CCSER1: variants seen among roughly 807,000 people sequenced by gnomAD.
CCSER1 encodes the protein coiled-coil serine rich protein 1, also known as serine-rich coiled-coil domain-containing protein 1.
In CCSER1, 41 loss-of-function variants were observed where a neutral mutation model predicts 82.0. The observed-to-expected ratio is 0.50, with a 90% CI of 0.39 to 0.65. The LOEUF (loss-of-function observed/expected upper bound fraction) is 0.65. CCSER1 is among the 30% of genes least tolerant of loss of function. The pLI, the probability that CCSER1 is intolerant of heterozygous loss-of-function variation, is 0.00. For missense variants in CCSER1, 1,119 were observed against 1,064.2 expected, an observed-to-expected ratio of 1.05 and a Z score of -0.72; for synonymous variants, 414 against 383.9, an observed-to-expected ratio of 1.08 and a Z score of -0.92.
chr4:90,237,557 T>C (rs1746027463), intron 1 of CCSER1, among the ~76,000 whole-genome samples: 1 of 152,180 alleles, frequency 6.6e-6, no homozygotes, highest in Non-Finnish European at 1.5e-5. Flanking sequence ...CACAGAAACT[T>C]CCATTCATAC....
chr4:90,248,938 G>A (rs917099237), intron 1 of CCSER1, among the ~76,000 whole-genome samples: 1 of 152,018 alleles, frequency 6.6e-6, no homozygotes, highest in South Asian at 2.1e-4. Flanking sequence ...AATCTCAGAC[G>A]ATCCGCCTTG....
At chr4:91,223,836 G>A (rs1737941455) in intron 10 of CCSER1, among the ~76,000 whole-genome samples, 1 of 152,118 alleles carries the variant, frequency 6.6e-6, no homozygotes, top group Non-Finnish European at 1.5e-5. Context: ...GTCTGCATCT[G>A]TTAAATGAGC....
At chr4:90,793,081 T>G (rs1406331669) in intron 7 of CCSER1, among the ~76,000 whole-genome samples, 1 of 152,190 alleles carries the variant, frequency 6.6e-6, no homozygotes, top group Non-Finnish European at 1.5e-5. Flanking sequence ...TTCTAGAAGG[T>G]AATGGAGATG....
At chr4:91,383,857 A>G (rs1241643550) in intron 10 of CCSER1, among the ~76,000 whole-genome samples, 2 of 152,218 alleles carry the variant, frequency 1.3e-5, no homozygotes, top group Non-Finnish European at 2.9e-5. Context: ...GGTAGCAAGT[A>G]GAGTGTTGCA....
intron 1 of CCSER1, among the ~76,000 whole-genome samples, chr4:90,301,452 G>A (rs528068373): frequency 1.3e-5 from 2 of 152,206 alleles, no homozygotes; most frequent in Non-Finnish European, 2.9e-5. Context: ...GGTTGCCATT[G>A]TAAATTTCTA....
intron 10 of CCSER1, among the ~76,000 whole-genome samples, chr4:91,591,057 A>G (rs898627547): frequency 1.3e-5 from 2 of 152,084 alleles, no homozygotes; most frequent in Admixed American, 6.6e-5. Context: ...GACATTTGGC[A>G]ATGTATGGAG....
At chr4:90,746,348 C>T (rs565326002) in intron 7 of CCSER1, among the ~76,000 whole-genome samples, 1 of 152,118 alleles carries the variant, frequency 6.6e-6, no homozygotes, top group Admixed American at 6.5e-5. Context: ...CTCTCATTTC[C>T]TCTCAAATAT....
chr4:91,316,362 T>C (rs1745839518), intron 10 of CCSER1, among the ~76,000 whole-genome samples: 1 of 151,982 alleles, frequency 6.6e-6, no homozygotes, highest in African/African-American at 2.4e-5. Flanking sequence ...CTATCAGTCT[T>C]TCTTAGAGGA....
chr4:90,320,363 AT>A (rs1483779099), intron 3 of CCSER1, among the ~76,000 whole-genome samples: 2 of 152,314 alleles, frequency 1.3e-5, no homozygotes, highest in East Asian at 3.9e-4. Context: ...ATATACAGGT[AT>A]TTCTTATGAT....
intron 10 of CCSER1, among the ~76,000 whole-genome samples, chr4:91,313,506 A>G (rs1745633602): frequency 6.6e-6 from 1 of 151,794 alleles, no homozygotes; most frequent in Non-Finnish European, 1.5e-5. Context: ...CATGGCATTG[A>G]CTAAGTCACA....
chr4:91,552,638 CAA>C lies in CCSER1; in HGVS notation c.2218-45931_2218-45930del, dbSNP rs375530935. Among the ~76,000 whole-genome samples the C allele has an allele frequency of 4.4e-4, 66 of 151,644 alleles. 3 individuals are homozygous for C. Among genetic ancestry groups the C allele is most frequent in the African/African-American group, 1.5e-3 (63 of 41,238 alleles). The stretch of plus-strand genomic sequence containing the variant: ...CTGGAAGATGTATAAGTGGAATGCT[CAA>C]AAGAGTGGAAGCAACAAGGCTGACT... On this transcript the variant is annotated intron_variant, in intron 10 of 10. Transcript: ENST00000509176.
intron 1 of CCSER1, among the ~76,000 whole-genome samples, chr4:90,300,637 A>G (rs1474784978): frequency 3.9e-5 from 6 of 152,162 alleles, no homozygotes; most frequent in African/African-American, 1.4e-4. Flanking sequence ...GGGTGTCCAA[A>G]TTCTAGGAAA....
chr4:90,351,864 G>A (rs1322314935), intron 3 of CCSER1, among the ~76,000 whole-genome samples: 1 of 152,174 alleles, frequency 6.6e-6, no homozygotes. Context: ...TGTTGACAAT[G>A]AGTGTGTTGA....
intron 10 of CCSER1, among the ~76,000 whole-genome samples, chr4:91,296,449 T>TTATATATATATATATATATATATATA (rs72475346): frequency 2.1e-5 from 2 of 94,110 alleles, no homozygotes; most frequent in African/African-American, 1.1e-4. Flanking sequence ...GTGTCTAACA[T>TTATATATATATATATATATATATATA]TATATATATA....
intron 10 of CCSER1, among the ~76,000 whole-genome samples, chr4:91,166,809 T>C (rs1732132759): frequency 6.6e-6 from 1 of 152,212 alleles, no homozygotes; most frequent in Admixed American, 6.5e-5. Context: ...TTCATTTATT[T>C]GCTTTAATTT....
In CCSER1 at chr4:91,593,467, CTTTTTTTTTT is replaced by C. The variant is rs753973015; in HGVS notation, c.2218-5088_2218-5079del. The stretch of plus-strand genomic sequence containing the variant: ...TAACTGTCTTGTTTTCAACCCCGTG[CTTTTTTTTTT>C]TTTTTTTTTTTTTTTTAGTACAGAC... On this transcript the variant is annotated intron_variant, in intron 10 of 10. Transcript: ENST00000509176. Among the ~76,000 whole-genome samples the C allele has an allele frequency of 1.5e-4, 8 of 55,044 alleles. No homozygotes were observed. The Admixed American group carries it at 1.6e-3, about 11-fold the overall frequency. 36.1% of individuals were successfully genotyped at this position (55,044 alleles called of 152,430 possible).
intron 10 of CCSER1, among the ~76,000 whole-genome samples, chr4:91,570,767 G>A (rs1763137927): frequency 1.3e-5 from 2 of 152,162 alleles, no homozygotes; most frequent in African/African-American, 2.4e-5. Context: ...TCTCTGACAT[G>A]CCCTGGAGAC....
intron 10 of CCSER1, among the ~76,000 whole-genome samples, chr4:91,281,745 C>T (rs1742926849): frequency 6.6e-6 from 1 of 152,170 alleles, no homozygotes; most frequent in African/African-American, 2.4e-5. Flanking sequence ...AGACTAGCTT[C>T]TCCAGTCAGT....
At chr4:90,858,265 T>C (rs533090646) in intron 8 of CCSER1, among the ~76,000 whole-genome samples, 1 of 152,156 alleles carries the variant, frequency 6.6e-6, no homozygotes, top group East Asian at 1.9e-4. Context: ...GTTGCCCACA[T>C]TATGATTTGA....
Sources: gnomAD v4.1 joint callset for allele counts (sites outside exome capture counted in the v4.1 genomes callset) on GRCh38, gnomAD v4.1.1 for gene constraint, MANE v1.5 for transcripts, NCBI Gene and HGNC (gene_info 2026-07-23, HGNC 2026-07-21) for gene names.